The following SPATA17 variants were observed in gnomAD, a reference collection of about 807,000 sequenced individuals.
SPATA17 encodes the protein spermatogenesis-associated protein 17.
SPATA17 carries 53 observed loss-of-function variants against 62.2 expected under a neutral mutation model. The observed-to-expected ratio is 0.85, with a 90% CI of 0.68 to 1.07. The LOEUF (loss-of-function observed/expected upper bound fraction) is 1.07, where lower values mean the gene tolerates loss of function less well. Ranked by LOEUF, SPATA17 falls within the 50% of genes least tolerant of loss-of-function variation. The pLI, the probability that SPATA17 is intolerant of heterozygous loss-of-function variation, is 0.00. For missense variants in SPATA17, 466 were observed against 425.5 expected (o/e 1.10, Z -0.84); for synonymous variants, 146 against 146.8 (o/e 0.99, Z 0.04).
chr1:217,845,648 T>TA (rs922307082), intron 9 of SPATA17, among the ~76,000 whole-genome samples: 26 of 152,120 alleles, frequency 1.7e-4, no homozygotes, highest in African/African-American at 5.5e-4. Flanking sequence ...AAATTTCTCT[T>TA]AAAAAAATGT....
intron 6 of SPATA17, among the ~76,000 whole-genome samples, chr1:217,764,331 G>A (rs947886492): frequency 6.6e-6 from 1 of 152,062 alleles, no homozygotes; most frequent in Non-Finnish European, 1.5e-5. Context: ...CAGATTGTTG[G>A]AGTCATACAG....
intron 4 of SPATA17, 48 bp from the exon 5 acceptor site, chr1:217,683,210 A>C: frequency 1.5e-6 from 2 of 1,336,014 alleles, no homozygotes; most frequent in Non-Finnish European, 2.1e-6. Context: ...TTACATTTTT[A>C]ATAAAAGTGT....
At chr1:217,862,404 A>G (rs1207040301) in intron 9 of SPATA17, among the ~76,000 whole-genome samples, 4 of 152,098 alleles carry the variant, frequency 2.6e-5, no homozygotes, top group African/African-American at 4.8e-5. Flanking sequence ...TTCCATTTCC[A>G]TTCATTCAGT....
chr1:217,706,429 G>A (rs936594731), intron 5 of SPATA17, among the ~76,000 whole-genome samples: 5 of 152,280 alleles, frequency 3.3e-5, no homozygotes, highest in South Asian at 4.1e-4. Context: ...TGTTGAGGAA[G>A]GGAAGTGATG....
chr1:217,804,625 T>A (rs997977324), intron 9 of SPATA17, among the ~76,000 whole-genome samples: 16 of 151,884 alleles, frequency 1.1e-4, no homozygotes, highest in Non-Finnish European at 2.1e-4. Flanking sequence ...GGAAAAAAAA[T>A]TTGCCAACCA....
At chr1:217,813,554 T>C (rs544707819) in intron 9 of SPATA17, among the ~76,000 whole-genome samples, 1 of 151,894 alleles carries the variant, frequency 6.6e-6, no homozygotes, top group African/African-American at 2.4e-5. Context: ...TGTTGTTTCA[T>C]TTCATTAGTA....
chr1:217,836,224 A>G (rs1482655160), intron 9 of SPATA17, among the ~76,000 whole-genome samples: 1 of 152,172 alleles, frequency 6.6e-6, no homozygotes, highest in Non-Finnish European at 1.5e-5. Flanking sequence ...ATGGCATGTG[A>G]AACTTTTTTC....
chr1:217,708,874 C>T (rs555808053), intron 5 of SPATA17, among the ~76,000 whole-genome samples: 1 of 151,746 alleles, frequency 6.6e-6, no homozygotes, highest in East Asian at 1.9e-4. Flanking sequence ...AAGGTAGGTT[C>T]AACATACAGA....
At chr1:217,777,795 G>C (rs1438279011) in intron 7 of SPATA17, among the ~76,000 whole-genome samples, 1 of 152,066 alleles carries the variant, frequency 6.6e-6, no homozygotes, top group Non-Finnish European at 1.5e-5. Context: ...CAAGCATAGT[G>C]GAGTGAGCAA....
intron 3 of SPATA17, among the ~76,000 whole-genome samples, chr1:217,667,655 A>G (rs1028253075): frequency 5.9e-5 from 9 of 152,308 alleles, no homozygotes; most frequent in Admixed American, 5.9e-4. Flanking sequence ...CTAAACAATG[A>G]TATGATAAAG....
In SPATA17 at chr1:217,867,078, G is replaced by A. The variant is rs1676030203; in HGVS notation, c.*59G>A. The A allele has an allele frequency of 1.3e-5, 2 of 151,976 alleles. No homozygotes were observed. Among genetic ancestry groups the A allele is most frequent in the Admixed American group, 1.3e-4 (2 of 15,262 alleles). The allele number at this position is 151,976 out of a possible 1,614,324, so 9.4% of individuals were successfully genotyped here. A position where few individuals can be genotyped will look rare whatever the true frequency, so the allele number is the denominator to read the frequency against. On this transcript the variant is annotated 3_prime_UTR_variant, in exon 11 of 11. Coordinates refer to ENST00000366933, the MANE Select transcript of SPATA17 (RefSeq NM_138796.4). ...TTTTAAAACTTAACAGTTCTGAAAG[G>A]AAAACACAGATGAAGATCCTGTAGG...
chr1:217,756,444 A>G (rs909845784), intron 6 of SPATA17, among the ~76,000 whole-genome samples: 1 of 152,170 alleles, frequency 6.6e-6, no homozygotes, highest in Admixed American at 6.5e-5. Context: ...ATGAAACTAA[A>G]TTTCAAACTT....
intron 3 of SPATA17, among the ~76,000 whole-genome samples, chr1:217,653,760 T>C (rs1488844931): frequency 1.3e-5 from 2 of 152,166 alleles, no homozygotes; most frequent in Non-Finnish European, 2.9e-5. Context: ...TTTCTTCTTT[T>C]ACTTTTTCAA....
At chr1:217,748,175 C>T (rs948125844) in intron 6 of SPATA17, among the ~76,000 whole-genome samples, 9 of 151,470 alleles carry the variant, frequency 5.9e-5, no homozygotes, top group African/African-American at 1.9e-4. Flanking sequence ...TGGTGGCGAG[C>T]GCCTGTAGTC....
chr1:217,809,168 G>A (rs528398992), intron 9 of SPATA17, among the ~76,000 whole-genome samples: 193 of 152,214 alleles, frequency 1.3e-3, no homozygotes, highest in African/African-American at 4.2e-3. Flanking sequence ...AAGACATGCT[G>A]GAAAGTAAAT....
At chr1:217,760,177 A>T (rs1673138290) in intron 6 of SPATA17, among the ~76,000 whole-genome samples, 1 of 152,184 alleles carries the variant, frequency 6.6e-6, no homozygotes, top group Non-Finnish European at 1.5e-5. Flanking sequence ...ACCACCAGAG[A>T]GACTTAAAGT....
At chr1:217,684,767 A>T (rs972595145) in intron 5 of SPATA17, among the ~76,000 whole-genome samples, 1 of 152,192 alleles carries the variant, frequency 6.6e-6, no homozygotes, top group Admixed American at 6.5e-5. Flanking sequence ...GTAATTGGCA[A>T]TAAATTATTA....
chr1:217,632,417 C>G (rs1406895841), intron 1 of SPATA17, among the ~76,000 whole-genome samples: 1 of 152,070 alleles, frequency 6.6e-6, no homozygotes, highest in Non-Finnish European at 1.5e-5. Flanking sequence ...GTGAATTAGA[C>G]TATTATGGAA....
intron 9 of SPATA17, among the ~76,000 whole-genome samples, chr1:217,829,577 G>A (rs1043709950): frequency 2.4e-5 from 3 of 124,196 alleles, no homozygotes; most frequent in South Asian, 2.8e-4. Flanking sequence ...GCAGTGAGCC[G>A]AGATTGCACC....
Sources: gnomAD v4.1 joint callset for allele counts (sites outside exome capture counted in the v4.1 genomes callset) on GRCh38, gnomAD v4.1.1 for gene constraint, MANE v1.5 for transcripts, NCBI Gene and HGNC (gene_info 2026-07-23, HGNC 2026-07-21) for gene names.